EML6: variants seen among roughly 807,000 people sequenced by gnomAD.
EML6 encodes the protein echinoderm microtubule-associated protein-like 6.
Under a neutral mutation model 240.1 loss-of-function variants are expected in EML6, and 154 were observed. The observed-to-expected ratio is 0.64, with a 90% CI of 0.56 to 0.73. EML6 has a LOEUF of 0.73. EML6 is among the 30% of genes least tolerant of loss of function. The probability of loss-of-function intolerance (pLI) is 0.00; values close to 1 mark genes in which losing one functional copy is unlikely to be tolerated. For missense variants in EML6, 2,964 were observed against 2,474.6 expected (o/e 1.20, Z -4.20); for synonymous variants, 1,148 against 899.0 (o/e 1.28, Z -4.95).
intron 14 of EML6, 187 bp downstream of exon 14, chr2:54,867,071 G>C (rs765412478): frequency 4.5e-6 from 2 of 444,930 alleles, no homozygotes; most frequent in African/African-American, 3.9e-5. Flanking sequence ...CACTTCCCTC[G>C]TTGATGTTCT....
chr2:54,970,114 T>C lies in EML6; in HGVS notation c.*19T>C, dbSNP rs1274674711. The C allele has an allele frequency of 9.0e-6, 14 of 1,551,456 alleles. No homozygotes were observed. In the East Asian group the frequency reaches 2.0e-4, roughly 22 times the overall value. On this transcript the variant is annotated 3_prime_UTR_variant, in exon 42 of 42. Transcript: ENST00000356458. ...TCTGTAAAATGCCAGAAGCCTCTTA[T>C]GTTATTGCTGCTGCTGCTACCAGCC...
intron 39 of EML6, 116 bp from the exon 40 acceptor site, chr2:54,968,012 G>C (rs1335617744): frequency 1.2e-5 from 12 of 1,034,584 alleles, no homozygotes; most frequent in Non-Finnish European, 1.7e-5. Flanking sequence ...CCTGGCTGTT[G>C]GGGACCCCTG....
intron 11 of EML6, 24 bp from the exon 12 acceptor site, chr2:54,859,510 T>G (rs1670565284): frequency 6.5e-7 from 1 of 1,541,210 alleles, no homozygotes; most frequent in Non-Finnish European, 8.8e-7. Context: ...TCATAACTAA[T>G]CCTCTCAAAA....
chr2:54,830,945 T>C (rs1299836440), intron 7 of EML6, among the ~76,000 whole-genome samples: 1 of 152,220 alleles, frequency 6.6e-6, no homozygotes, highest in Non-Finnish European at 1.5e-5. Context: ...ATTTGGTGTC[T>C]ACCTCAATGT....
rs539913759 is a variant in EML6 at position 54,960,696 on chromosome 2, A to G, written c.4968+362A>G. The stretch of plus-strand genomic sequence containing the variant: ...ATATCCTCATAAGCTCAGAGATACT[A>G]AATAGTTTGCCCATGCCCTAAGCTA... On this transcript the variant is annotated intron_variant, in intron 35 of 41. Coordinates refer to ENST00000356458, the MANE Select transcript of EML6 (RefSeq NM_001039753.4). Among the ~76,000 whole-genome samples, 17 of 152,308 alleles carry G rather than the reference A, an allele frequency of 1.1e-4. No individual in the cohort carries two copies. The South Asian group carries it at 2.5e-3, about 22-fold the overall frequency.
chr2:54,828,994 A>AC (rs1317771349), intron 6 of EML6, among the ~76,000 whole-genome samples: 2 of 152,162 alleles, frequency 1.3e-5, no homozygotes, highest in Non-Finnish European at 2.9e-5. Context: ...CTTCCATGAA[A>AC]CACCTCCATA....
At position 54,847,469 on chromosome 2, in the gene EML6, T is replaced by C. The variant is rs1669826881; in HGVS notation, c.1050-17T>C. On this transcript the variant is annotated splice_polypyrimidine_tract_variant and intron_variant, in intron 8 of 41. Coordinates refer to ENST00000356458, the MANE Select transcript of EML6 (RefSeq NM_001039753.4). The stretch of plus-strand genomic sequence containing the variant: ...GAAGTTGGTTTTGTTTTGTTTTGAC[T>C]TCGTTCTTGTGCCTAGGCTGTGGAG... 1.3e-6 allele frequency: 2 copies of C among 1,549,122 alleles called. No individual in the cohort carries two copies. The highest frequency in any genetic ancestry group is 1.7e-6 in the Non-Finnish European group (2 of 1,146,052).
chr2:54,841,956 A>G (rs891179983), intron 7 of EML6, among the ~76,000 whole-genome samples: 6 of 152,072 alleles, frequency 3.9e-5, no homozygotes, highest in Non-Finnish European at 8.8e-5. Context: ...TTGAGAATGT[A>G]GAGAGACTTA....
chr2:54,903,332 T>G, intron 23 of EML6, 39 bp from the exon 24 acceptor site: 1 of 1,543,910 alleles, frequency 6.5e-7, no homozygotes, highest in Middle Eastern at 1.7e-4. Context: ...AATTCCTATA[T>G]AAAATGCTTC....
intron 2 of EML6, among the ~76,000 whole-genome samples, chr2:54,792,963 T>C (rs892039336): frequency 6.6e-6 from 1 of 152,184 alleles, no homozygotes. Flanking sequence ...TTCTTAAAGT[T>C]GGTTTAAAGT....
intron 7 of EML6, among the ~76,000 whole-genome samples, chr2:54,837,937 A>G (rs72808622): frequency 2.0e-5 from 3 of 152,300 alleles, no homozygotes; most frequent in Non-Finnish European, 2.9e-5. Flanking sequence ...TTTTAAGAAC[A>G]CTATTAAATA....
chr2:54,956,778 A>G (rs1026382600), intron 32 of EML6, among the ~76,000 whole-genome samples: 1 of 152,208 alleles, frequency 6.6e-6, no homozygotes, highest in African/African-American at 2.4e-5. Flanking sequence ...GAAGAAGAAA[A>G]AAATAGGTGT....
At chr2:54,928,084 C>T (rs1674652218) in intron 26 of EML6, among the ~76,000 whole-genome samples, 1 of 152,220 alleles carries the variant, frequency 6.6e-6, no homozygotes, top group Non-Finnish European at 1.5e-5. Flanking sequence ...TGTAGTCTAA[C>T]ATTTCATTCA....
At chr2:54,895,976 C>T (rs79432157) in intron 21 of EML6, among the ~76,000 whole-genome samples, 2,907 of 152,270 alleles carry the variant, frequency 0.019, 89 homozygotes, top group African/African-American at 0.065. Flanking sequence ...TTGCCTTTGC[C>T]ATATGCTGTT....
chr2:54,807,904 G>A (rs775763467), intron 2 of EML6, among the ~76,000 whole-genome samples: 58 of 152,130 alleles, frequency 3.8e-4, no homozygotes, highest in Non-Finnish European at 6.8e-4. Flanking sequence ...TTATACGAAG[G>A]TATTGCTGGA....
chr2:54,787,507 AAG>A (rs1306235337), intron 2 of EML6, among the ~76,000 whole-genome samples: 2 of 152,190 alleles, frequency 1.3e-5, no homozygotes, highest in Non-Finnish European at 2.9e-5. Context: ...TTTGTCTGTA[AAG>A]AGAGATAAGT....
At chr2:54,932,703 C>A (rs922749274) in intron 28 of EML6, among the ~76,000 whole-genome samples, 1 of 152,138 alleles carries the variant, frequency 6.6e-6, no homozygotes, top group African/African-American at 2.4e-5. Context: ...ATGCTTATAT[C>A]ATCTCAACAT....
At chr2:54,903,530 G>T in intron 24 of EML6, 28 bp downstream of exon 24, 4 of 1,425,200 alleles carry the variant, frequency 2.8e-6, no homozygotes, top group South Asian at 1.3e-5. Context: ...TTTTAAAATA[G>T]AATTTCTGTG....
chr2:54,852,596 T>C (rs1014635365), intron 10 of EML6, among the ~76,000 whole-genome samples: 1 of 152,222 alleles, frequency 6.6e-6, no homozygotes, highest in Non-Finnish European at 1.5e-5. Flanking sequence ...TTCCTAGGAC[T>C]GTATTCTCCA....
Sources: allele counts gnomAD v4.1 joint callset (sites outside exome capture counted in the v4.1 genomes callset), GRCh38; gene constraint gnomAD v4.1.1; transcripts MANE v1.5; gene names NCBI Gene and HGNC (gene_info 2026-07-23, HGNC 2026-07-21).